The following STRN3 variants were observed in gnomAD, a reference collection of about 807,000 sequenced individuals.
STRN3 encodes the protein striatin 3.
A neutral mutation model predicts 95.6 loss-of-function variants in STRN3; 29 were observed. The ratio of observed to expected loss-of-function variants is 0.30; its 90% CI spans 0.23 to 0.41. STRN3 has a LOEUF of 0.41. Among genes scored for constraint, STRN3 ranks in the 10% least tolerant of loss-of-function variants. The pLI, the probability that STRN3 is intolerant of heterozygous loss-of-function variation, is 1.00. For synonymous variants in STRN3, 331 were observed against 357.6 expected (o/e 0.93, Z 0.84); for missense variants, 890 against 972.1 (o/e 0.92, Z 1.12).
rs184189163 is a variant in STRN3 at position 30,923,155 on chromosome 14, A to T, written c.1100-4049T>A. Among the ~76,000 whole-genome samples the T allele has an allele frequency of 1.8e-3, 277 of 152,322 alleles. 1 individual carries two copies. Among genetic ancestry groups the T allele is most frequent in the Admixed American group, 7.5e-3 (114 of 15,302 alleles). ...AACAGATAATTTGTAGTGTGAGCAAAGGTGTTTTTAAAAGCCTACTTAAGA... is the reference window on the plus strand; with the variant it reads ...AACAGATAATTTGTAGTGTGAGCAATGGTGTTTTTAAAAGCCTACTTAAGA... On this transcript the variant is annotated intron_variant, in intron 8 of 17. Coordinates refer to ENST00000357479, the MANE Select transcript of STRN3 (RefSeq NM_001083893.2).
At chr14:30,980,561 C>T (rs1485423474) in intron 1 of STRN3, among the ~76,000 whole-genome samples, 1 of 151,988 alleles carries the variant, frequency 6.6e-6, no homozygotes, top group Non-Finnish European at 1.5e-5. Flanking sequence ...GCACCCGCCA[C>T]CACGCCCAGC....
intron 5 of STRN3, among the ~76,000 whole-genome samples, chr14:30,940,226 A>G (rs907407289): frequency 1.3e-5 from 2 of 152,114 alleles, no homozygotes; most frequent in African/African-American, 4.8e-5. Flanking sequence ...GGCCCACTGC[A>G]CAACTGTTTC....
chr14:30,988,154 A>G (rs942694520), intron 1 of STRN3, among the ~76,000 whole-genome samples: 1 of 152,176 alleles, frequency 6.6e-6, no homozygotes, highest in Non-Finnish European at 1.5e-5. Context: ...TATTCCAAAC[A>G]TTCAATAAAT....
chr14:30,935,202 C>A lies in STRN3; in HGVS notation c.949G>T (p.Ala317Ser). Residue 317 changes from alanine (A) to serine (S), a missense_variant, in exon 7 of 18, where the codon GCT becomes TCT. By Grantham distance (99) the Ala-to-Ser change is moderately conservative (BLOSUM62 1). This residue lies in a region of STRN3 where 526 missense variants were observed against 526.3 expected (regional missense o/e 1.00). Transcript: ENST00000357479. ...TCCCCCGAACTCCGTGCTTCTCCAG[C>A]TCCTTCACCATCTTCAGCAGTCACT... The part of the protein sequence containing the change: ...FLVTAEDGEG[A>S]GEARSSGDGT... 6.2e-7 allele frequency: 1 copy of A among 1,614,160 alleles called. No individual in the cohort carries two copies. Among genetic ancestry groups the A allele is most frequent in the Non-Finnish European group, 8.5e-7 (1 of 1,180,012 alleles).
At chr14:30,915,167 T>A (rs1171763954) in intron 9 of STRN3, among the ~76,000 whole-genome samples, 1 of 152,044 alleles carries the variant, frequency 6.6e-6, no homozygotes, top group South Asian at 2.1e-4. Flanking sequence ...TTTAAAAAAA[T>A]TCCCATGAAA....
intron 1 of STRN3, among the ~76,000 whole-genome samples, chr14:30,995,525 T>A (rs1262213169): frequency 6.6e-6 from 1 of 152,194 alleles, no homozygotes; most frequent in African/African-American, 2.4e-5. Flanking sequence ...TAAATTTCAA[T>A]CCTTCTGATT....
rs1896436382 is a variant in STRN3, at chr14:30,905,447, A to G, written c.2000T>C (p.Leu667Ser). ...VIYDLETSQSLVILSSQVDSG... is the reference protein window; with the variant it reads ...VIYDLETSQSSVILSSQVDSG... ...ATCTACCTGTGATGAAAGTATCACC[A>G]ATGACTGTGATGTTTCTAAATCATA... Residue 667 changes from leucine to serine, a missense_variant, in exon 15 of 18, where the codon TTG (leucine) becomes TCG (serine). Around this residue, in one of 3 missense-constraint regions of STRN3, gnomAD observed 357 missense variants for 422.8 expected, o/e 0.84. Transcript: ENST00000357479. 1.2e-6 allele frequency: 2 copies of G among 1,605,934 alleles called. No individual in the cohort carries two copies. The highest frequency in any genetic ancestry group is 1.3e-5 in the African/African-American group (1 of 74,692).
At chr14:30,929,954 C>CAAAAAAAAAAAAAAAAAAAAAAAAAAAA (rs1191963792) in intron 7 of STRN3, among the ~76,000 whole-genome samples, 10 of 39,994 alleles carry the variant, frequency 2.5e-4, no homozygotes, top group Admixed American at 6.5e-4. Context: ...CTAAGATTAG[C>CAAAAAAAAAAAAAAAAAAAAAAAAAAAA]AAAAAAAAAA....
At chr14:30,929,384 T>G (rs899306546) in intron 7 of STRN3, 73 bp from the exon 8 acceptor site, 5 of 1,088,608 alleles carry the variant, frequency 4.6e-6, no homozygotes, top group Non-Finnish European at 5.6e-6. Context: ...TAAACTGTTA[T>G]AGCTTTACAT....
At chr14:30,911,267 T>C (rs1896600673) in intron 12 of STRN3, 105 bp from the exon 13 acceptor site, 2 of 1,299,288 alleles carry the variant, frequency 1.5e-6, no homozygotes. Flanking sequence ...AAAAACTGTT[T>C]TAAGAGAACA....
intron 1 of STRN3, among the ~76,000 whole-genome samples, chr14:31,021,999 T>C (rs565027967): frequency 6.6e-6 from 1 of 152,228 alleles, no homozygotes; most frequent in East Asian, 1.9e-4. Flanking sequence ...TTTTTAACTA[T>C]TATCACCATC....
chr14:30,987,506 CA>C (rs955665566), intron 1 of STRN3, among the ~76,000 whole-genome samples: 36 of 150,046 alleles, frequency 2.4e-4, no homozygotes, highest in Admixed American at 6.7e-4. Context: ...GACTCCATCT[CA>C]AAAAAATAAA....
At chr14:30,971,438 C>A (rs1049008926) in intron 1 of STRN3, among the ~76,000 whole-genome samples, 1 of 152,132 alleles carries the variant, frequency 6.6e-6, no homozygotes, top group Non-Finnish European at 1.5e-5. Context: ...GGATTTGAGT[C>A]AATATTTTGG....
intron 1 of STRN3, among the ~76,000 whole-genome samples, chr14:31,014,057 T>C (rs1412536837): frequency 2.0e-5 from 3 of 151,740 alleles, no homozygotes; most frequent in Non-Finnish European, 4.4e-5. Flanking sequence ...TACAACACCA[T>C]TGTGTCCAGC....
At chr14:30,962,327 T>C (rs1880250416) in intron 1 of STRN3, among the ~76,000 whole-genome samples, 1 of 152,208 alleles carries the variant, frequency 6.6e-6, no homozygotes, top group African/African-American at 2.4e-5. Context: ...TTAAAATTTA[T>C]AAAGTAAAAT....
rs780391810 is a variant in STRN3, at chr14:30,919,130, A to G, written c.1100-24T>C. The G allele has an allele frequency of 5.1e-6, 8 of 1,573,864 alleles. No homozygotes were observed. In the South Asian group the frequency reaches 9.4e-5, roughly 19 times the overall value. On this transcript the variant is annotated intron_variant, in intron 8 of 17. Coordinates refer to ENST00000357479, the MANE Select transcript of STRN3 (RefSeq NM_001083893.2). Reference sequence around the variant, plus strand: ...CCCTGTAAATTAATGTCAGCAGTAGAGGTTCATTTAATGGCTACCGCTTGA... The same window carrying G: ...CCCTGTAAATTAATGTCAGCAGTAGGGGTTCATTTAATGGCTACCGCTTGA...
At chr14:30,949,237 T>C (rs1879516442) in intron 4 of STRN3, among the ~76,000 whole-genome samples, 1 of 96,198 alleles carries the variant, frequency 1.0e-5, no homozygotes. Context: ...CCTTCAAATT[T>C]TAGTCACTTA....
chr14:30,953,655 GGTCT>G (rs1293079931), intron 3 of STRN3, among the ~76,000 whole-genome samples: 1 of 151,974 alleles, frequency 6.6e-6, no homozygotes, highest in African/African-American at 2.4e-5. Context: ...TTTGAGACAG[GGTCT>G]CACTTTGTCA....
At chr14:30,960,677 G>A (rs996027698) in intron 1 of STRN3, among the ~76,000 whole-genome samples, 4 of 151,772 alleles carry the variant, frequency 2.6e-5, no homozygotes, top group Admixed American at 2.6e-4. Context: ...AGACCATCCT[G>A]GCTAACACGG....
Sources: gnomAD v4.1 joint callset for allele counts (sites outside exome capture counted in the v4.1 genomes callset) on GRCh38, gnomAD v4.1.1 for gene constraint, gnomAD v4.1.1 regional missense constraint, MANE v1.5 for transcripts, NCBI Gene and HGNC (gene_info 2026-07-23, HGNC 2026-07-21) for gene names.